CPED1: variants seen among roughly 807,000 people sequenced by gnomAD.
CPED1 encodes the protein cadherin-like and PC-esterase domain-containing protein 1.
CPED1 carries 114 observed loss-of-function variants against 128.2 expected under a neutral mutation model. The ratio of observed to expected loss-of-function variants is 0.89; its 90% confidence interval spans 0.76 to 1.04. The LOEUF is 1.04. CPED1 is among the 50% of genes least tolerant of loss of function. The pLI, the probability that CPED1 is intolerant of heterozygous loss-of-function variation, is 0.00. For synonymous variants in CPED1, 462 were observed against 426.7 expected, an observed-to-expected ratio of 1.08 and a Z score of -1.02; for missense variants, 1,211 against 1,207.1, an observed-to-expected ratio of 1.00 and a Z score of -0.05.
At chr7:121,070,455 C>A (rs1226331850) in intron 5 of CPED1, among the ~76,000 whole-genome samples, 3 of 152,014 alleles carry the variant, frequency 2.0e-5, no homozygotes, top group African/African-American at 7.2e-5. Flanking sequence ...GCAAAACATT[C>A]CACTCCCAAG....
At chr7:121,183,183 C>T (rs1204490119) in intron 16 of CPED1, among the ~76,000 whole-genome samples, 3 of 152,120 alleles carry the variant, frequency 2.0e-5, no homozygotes, top group African/African-American at 7.2e-5. Flanking sequence ...TTATGACAAC[C>T]CAATGGGCTT....
At chr7:121,047,942 G>C (rs1164921140) in intron 4 of CPED1, among the ~76,000 whole-genome samples, 2 of 151,802 alleles carry the variant, frequency 1.3e-5, no homozygotes, top group African/African-American at 4.8e-5. Flanking sequence ...TCCTGACTTC[G>C]CGATCCGCCC....
intron 22 of CPED1, among the ~76,000 whole-genome samples, chr7:121,276,735 A>G (rs112893594): frequency 0.012 from 1,897 of 152,286 alleles, 42 homozygotes; most frequent in African/African-American, 0.044. Flanking sequence ...AATCCCATAG[A>G]ATAATGTGAA....
At chr7:121,115,263 T>C (rs1209654880) in intron 7 of CPED1, among the ~76,000 whole-genome samples, 1 of 152,148 alleles carries the variant, frequency 6.6e-6, no homozygotes, top group Non-Finnish European at 1.5e-5. Context: ...TAATTGAAAA[T>C]AGCCCATGTA....
chr7:121,244,162 G>A (rs769670699), intron 17 of CPED1, 40 bp from the exon 18 acceptor site: 18 of 1,613,816 alleles, frequency 1.1e-5, no homozygotes, highest in Non-Finnish European at 1.4e-5. Context: ...AACTTCACCA[G>A]CAGAAACAGA....
At chr7:121,238,650 G>A (rs1027334798) in intron 17 of CPED1, among the ~76,000 whole-genome samples, 5 of 151,602 alleles carry the variant, frequency 3.3e-5, no homozygotes, top group Non-Finnish European at 5.9e-5. Context: ...CCATTCATAG[G>A]GTGAAGCCAG....
rs150222442 is a variant in CPED1 at position 121,106,512 on chromosome 7, C to T, written c.918+6418C>T. Among the ~76,000 whole-genome samples, 432 of 152,084 alleles carry T rather than the reference C, an allele frequency of 2.8e-3. 2 individuals carry two copies. Among genetic ancestry groups the T allele is most frequent in the African/African-American group, 9.9e-3 (412 of 41,506 alleles). ...AGAAAAATGGAGGTAAGCTAATACT[C>T]AGGGATTTCAGTGTGAAATCAGGTG... On this transcript the variant is annotated intron_variant, in intron 7 of 22. Coordinates refer to ENST00000310396, the MANE Select transcript of CPED1 (RefSeq NM_024913.5).
At chr7:121,046,136 G>C (rs554102248) in intron 3 of CPED1, among the ~76,000 whole-genome samples, 62 of 152,156 alleles carry the variant, frequency 4.1e-4, no homozygotes, top group Admixed American at 8.5e-4. Flanking sequence ...AAAATGTTTA[G>C]AGATTAGGCA....
intron 16 of CPED1, among the ~76,000 whole-genome samples, chr7:121,152,754 G>A (rs894155475): frequency 1.3e-5 from 2 of 152,142 alleles, no homozygotes; most frequent in Admixed American, 6.5e-5. Context: ...TTGAAGTCTA[G>A]TAAAATGTAT....
intron 2 of CPED1, among the ~76,000 whole-genome samples, chr7:121,006,784 G>A (rs1167604149): frequency 6.6e-6 from 1 of 152,148 alleles, no homozygotes; most frequent in African/African-American, 2.4e-5. Context: ...TGTCTGTGAG[G>A]TTACAGTAAA....
At chr7:121,058,946 T>C (rs1793580524) in intron 4 of CPED1, among the ~76,000 whole-genome samples, 1 of 152,232 alleles carries the variant, frequency 6.6e-6, no homozygotes. Flanking sequence ...TAGAGCTTCA[T>C]AATTTTAGAG....
intron 5 of CPED1, among the ~76,000 whole-genome samples, chr7:121,065,251 T>C (rs1176041098): frequency 6.6e-6 from 1 of 152,172 alleles, no homozygotes; most frequent in Non-Finnish European, 1.5e-5. Flanking sequence ...CAACTTTCAA[T>C]TTAAGATACA....
At chr7:121,256,771 G>A (rs533368648) in intron 18 of CPED1, among the ~76,000 whole-genome samples, 1 of 152,138 alleles carries the variant, frequency 6.6e-6, no homozygotes, top group African/African-American at 2.4e-5. Flanking sequence ...GCACTCGTAT[G>A]TTCATCACCA....
At chr7:121,233,661 T>G (rs1476849530) in intron 16 of CPED1, among the ~76,000 whole-genome samples, 1 of 152,144 alleles carries the variant, frequency 6.6e-6, no homozygotes, top group Non-Finnish European at 1.5e-5. Context: ...GAGACACTAA[T>G]GAGAATTTTC....
At chr7:121,160,169 T>C (rs1364025654) in intron 16 of CPED1, among the ~76,000 whole-genome samples, 1 of 152,172 alleles carries the variant, frequency 6.6e-6, no homozygotes, top group Non-Finnish European at 1.5e-5. Context: ...TATGTATTTA[T>C]GGGGTACATG....
chr7:121,207,062 G>A (rs922500854), intron 16 of CPED1, among the ~76,000 whole-genome samples: 3 of 151,762 alleles, frequency 2.0e-5, no homozygotes, highest in South Asian at 2.1e-4. Context: ...ATTTTTTCAG[G>A]TCAGGAGATA....
chr7:121,049,199 A>G (rs1313956857), intron 4 of CPED1, among the ~76,000 whole-genome samples: 2 of 152,236 alleles, frequency 1.3e-5, no homozygotes, highest in Non-Finnish European at 2.9e-5. Flanking sequence ...TTGGCAGGGA[A>G]AAAGAAACTA....
At chr7:121,252,411 G>A (rs573043984) in intron 18 of CPED1, among the ~76,000 whole-genome samples, 11 of 151,724 alleles carry the variant, frequency 7.3e-5, no homozygotes, top group African/African-American at 2.7e-4. Context: ...ACATCGGCAA[G>A]GACTTCATGT....
intron 22 of CPED1, among the ~76,000 whole-genome samples, chr7:121,287,558 G>T (rs1199313195): frequency 6.6e-6 from 1 of 152,172 alleles, no homozygotes; most frequent in Non-Finnish European, 1.5e-5. Flanking sequence ...AGTCATGATT[G>T]TAGACTCTAT....
Sources: allele counts gnomAD v4.1 joint callset (sites outside exome capture counted in the v4.1 genomes callset), GRCh38; gene constraint gnomAD v4.1.1; transcripts MANE v1.5; gene names NCBI Gene and HGNC (gene_info 2026-07-23, HGNC 2026-07-21).